The following XKR4 variants were observed in gnomAD, a reference collection of about 807,000 sequenced individuals.
XKR4 encodes XK-related protein 4.
Under a neutral mutation model 53.9 loss-of-function variants are expected in XKR4, and 12 were observed. The observed-to-expected ratio is 0.22, with a 90% CI of 0.14 to 0.36. The LOEUF (loss-of-function observed/expected upper bound fraction) is 0.36. Among genes scored for constraint, XKR4 ranks in the 10% least tolerant of loss-of-function variants. The pLI is 1.00. For missense variants in XKR4, 799 were observed against 859.5 expected (o/e 0.93, Z 0.88); for synonymous variants, 354 against 362.4 (o/e 0.98, Z 0.26).
chr8:55,213,398 G>C (rs766793351), intron 1 of XKR4, among the ~76,000 whole-genome samples: 1 of 152,168 alleles, frequency 6.6e-6, no homozygotes, highest in Non-Finnish European at 1.5e-5. Context: ...TTATCAATCT[G>C]GGTGGCATCA....
intron 2 of XKR4, among the ~76,000 whole-genome samples, chr8:55,436,702 G>A (rs1380903276): frequency 6.6e-6 from 1 of 152,152 alleles, no homozygotes; most frequent in Non-Finnish European, 1.5e-5. Flanking sequence ...GGAGAGCCTC[G>A]CTGGCACCAG....
chr8:55,475,115 C>T lies in XKR4; in HGVS notation c.1007-48166C>T, dbSNP rs149934264. Among the ~76,000 whole-genome samples, 1,082 of 152,074 alleles carry T rather than the reference C, an allele frequency of 7.1e-3. 22 individuals carry two copies. Among genetic ancestry groups the T allele is most frequent in the African/African-American group, 0.024 (1,014 of 41,410 alleles). ...ATAGTCAGTGATACTAAATAGTACA[C>T]GGATACCAAGGCAGTAGGTAAGGGA... On this transcript the variant is annotated intron_variant, in intron 2 of 2. Transcript: ENST00000327381.
intron 2 of XKR4, among the ~76,000 whole-genome samples, chr8:55,499,830 G>T (rs1806408785): frequency 6.6e-6 from 1 of 152,108 alleles, no homozygotes; most frequent in Non-Finnish European, 1.5e-5. Flanking sequence ...GCTTTGTTTT[G>T]TTTGGGCTAT....
At chr8:55,153,761 C>T (rs1242852907) in intron 1 of XKR4, among the ~76,000 whole-genome samples, 1 of 152,186 alleles carries the variant, frequency 6.6e-6, no homozygotes, top group Non-Finnish European at 1.5e-5. Context: ...AGATCAAGTG[C>T]TTGGTACAGA....
At chr8:55,245,971 G>A (rs916661005) in intron 1 of XKR4, among the ~76,000 whole-genome samples, 21 of 152,242 alleles carry the variant, frequency 1.4e-4, no homozygotes, top group African/African-American at 3.9e-4. Flanking sequence ...GCGTGGTGGC[G>A]CATGCCTGTA....
chr8:55,118,469 A>G (rs1816340232), intron 1 of XKR4, among the ~76,000 whole-genome samples: 1 of 152,178 alleles, frequency 6.6e-6, no homozygotes, highest in South Asian at 2.1e-4. Context: ...TAGGATTTAT[A>G]TCTATGTGAC....
intron 1 of XKR4, 120 bp downstream of exon 1, chr8:55,103,414 GT>G: frequency 2.1e-6 from 3 of 1,444,314 alleles, no homozygotes; most frequent in Non-Finnish European, 1.8e-6. Flanking sequence ...CACTCTTCCA[GT>G]TTTTTGGGTT....
chr8:55,194,342 G>A (rs1817479248), intron 1 of XKR4, among the ~76,000 whole-genome samples: 1 of 152,176 alleles, frequency 6.6e-6, no homozygotes, highest in Admixed American at 6.5e-5. Flanking sequence ...CTGCTTCAGG[G>A]AGATCTCAAG....
chr8:55,199,031 CTT>C (rs937809712), intron 1 of XKR4, among the ~76,000 whole-genome samples: 15 of 152,152 alleles, frequency 9.9e-5, no homozygotes, highest in African/African-American at 3.6e-4. Flanking sequence ...TGATTAAAAA[CTT>C]ATCTCAATGT....
At chr8:55,286,605 TCCCA>T in intron 1 of XKR4, among the ~76,000 whole-genome samples, 1 of 152,186 alleles carries the variant, frequency 6.6e-6, no homozygotes, top group South Asian at 2.1e-4. Context: ...CTGTTGGAGG[TCCCA>T]GGGCAGGCAG....
At chr8:55,369,550 A>G (rs1804042897) in intron 2 of XKR4, among the ~76,000 whole-genome samples, 2 of 117,798 alleles carry the variant, frequency 1.7e-5, no homozygotes, top group Admixed American at 9.5e-5. Flanking sequence ...AGAGAGAGAA[A>G]GAAAGGGAAG....
At chr8:55,397,984 G>A (rs1304988890) in intron 2 of XKR4, among the ~76,000 whole-genome samples, 1 of 152,162 alleles carries the variant, frequency 6.6e-6, no homozygotes, top group Non-Finnish European at 1.5e-5. Context: ...AGCATTATTT[G>A]AAATCAGCCC....
intron 2 of XKR4, among the ~76,000 whole-genome samples, chr8:55,468,624 T>C (rs1006608450): frequency 6.6e-6 from 1 of 152,138 alleles, no homozygotes; most frequent in Non-Finnish European, 1.5e-5. Context: ...TATTAAAAAG[T>C]TGGTTCAAAT....
intron 1 of XKR4, among the ~76,000 whole-genome samples, chr8:55,257,660 T>C (rs1276671815): frequency 6.6e-6 from 1 of 152,232 alleles, no homozygotes; most frequent in Non-Finnish European, 1.5e-5. Flanking sequence ...GTATACTAAA[T>C]ACTCATGGGT....
chr8:55,155,568 A>T (rs1201632231), intron 1 of XKR4, among the ~76,000 whole-genome samples: 2 of 151,266 alleles, frequency 1.3e-5, no homozygotes, highest in South Asian at 4.2e-4. Flanking sequence ...AAAAAAAAAG[A>T]AGTCGAGGAT....
chr8:55,357,756 G>A lies in XKR4; in HGVS notation c.885G>A (p.Met295Ile). Residue 295 changes from methionine (M) to isoleucine (I), a missense_variant, in exon 2 of 3, where the codon ATG becomes ATA. Physicochemically the swap from Met to Ile is conservative, Grantham distance 10 (BLOSUM62 1). Coordinates refer to ENST00000327381, the MANE Select transcript of XKR4 (RefSeq NM_052898.2). ...ACAGATGGAGGTTTTACTGGAAAAT[G>A]GTATATGAGTATGCGGATGTGAGTA... ...ENDRWRFYWK[M>I]VYEYADVSML... 6.2e-7 allele frequency: 1 copy of A among 1,614,190 alleles called. No homozygotes were observed. Among genetic ancestry groups the A allele is most frequent in the South Asian group, 1.1e-5 (1 of 91,080 alleles).
At chr8:55,338,844 T>C (rs899740598) in intron 1 of XKR4, among the ~76,000 whole-genome samples, 18 of 152,320 alleles carry the variant, frequency 1.2e-4, no homozygotes, top group Admixed American at 9.8e-4. Flanking sequence ...AGAAAAATCA[T>C]ACTTGATTGT....
At chr8:55,439,406 A>G (rs1005596191) in intron 2 of XKR4, among the ~76,000 whole-genome samples, 1 of 152,170 alleles carries the variant, frequency 6.6e-6, no homozygotes, top group Non-Finnish European at 1.5e-5. Flanking sequence ...CATGAGTGTG[A>G]GGCAGAAGAC....
At chr8:55,255,846 C>T (rs1818432228) in intron 1 of XKR4, among the ~76,000 whole-genome samples, 1 of 152,052 alleles carries the variant, frequency 6.6e-6, no homozygotes, top group Non-Finnish European at 1.5e-5. Flanking sequence ...TGTCCGTTGT[C>T]TGCCAGGCAG....
Sources: allele counts gnomAD v4.1 joint callset (sites outside exome capture counted in the v4.1 genomes callset), GRCh38; gene constraint gnomAD v4.1.1; transcripts MANE v1.5; gene names NCBI Gene and HGNC (gene_info 2026-07-23, HGNC 2026-07-21).